Variants in SNORC observed in about 807,000 individuals in gnomAD.
SNORC encodes secondary ossification center associated regulator of chondrocyte maturation, also known as protein SNORC.
SNORC carries 11 observed loss-of-function variants against 9.7 expected under a neutral mutation model. The ratio of observed to expected loss-of-function variants is 1.14; its 90% CI spans 0.72 to 1.88. The LOEUF is 1.88. Among genes scored for constraint, SNORC ranks in the 40% most tolerant of loss-of-function variants. The pLI is 0.00. For missense variants in SNORC, 197 were observed against 173.1 expected (o/e 1.14, Z -0.77); for synonymous variants, 108 against 88.7 (o/e 1.22, Z -1.22).
intron 1 of SNORC, among the ~76,000 whole-genome samples, chr2:232,871,192 G>A (rs1260826638): frequency 2.0e-5 from 3 of 152,196 alleles, no homozygotes; most frequent in Non-Finnish European, 2.9e-5. Flanking sequence ...TCTGGAGGGC[G>A]CCCGTGGATC....
At chr2:232,868,396 C>T (rs897333688), upstream of SNORC, among the ~76,000 whole-genome samples, 1 of 152,130 alleles carries the variant, frequency 6.6e-6, no homozygotes, top group Non-Finnish European at 1.5e-5. Context: ...CGCACCTGGC[C>T]AGGTCATTTC....
upstream of SNORC, chr2:232,870,166 G>A: frequency 1.6e-6 from 1 of 640,494 alleles, no homozygotes; most frequent in South Asian, 1.8e-5. Flanking sequence ...TTGTGTGTGT[G>A]TGTTGGTGGG....
At chr2:232,870,934 C>T (rs972637563) in intron 1 of SNORC, among the ~76,000 whole-genome samples, 21 of 152,192 alleles carry the variant, frequency 1.4e-4, no homozygotes, top group Non-Finnish European at 2.8e-4. Context: ...CTCTGCAAAA[C>T]GGTGTGGACC....
In SNORC at chr2:232,876,370, G is replaced by A; in HGVS notation, c.*14G>A. On this transcript the variant is annotated 3_prime_UTR_variant, in exon 3 of 3. Transcript: ENST00000331342. The surrounding 1 kb of genome is among the most constrained non-coding windows in gnomAD (Gnocchi z 6.8). Reference sequence around the variant, plus strand: ...TCTGCCTCCTGAAGCGAATAAAGGGGCCGCGCCCGGCCGCGGCGCGACTCG... The same window carrying A: ...TCTGCCTCCTGAAGCGAATAAAGGGACCGCGCCCGGCCGCGGCGCGACTCG... 6.6e-7 allele frequency: 1 copy of A among 1,514,390 alleles called. No homozygotes were observed. The highest frequency in any genetic ancestry group is 8.8e-7 in the Non-Finnish European group (1 of 1,136,916). 93.8% of individuals were successfully genotyped at this position (1,514,390 alleles called of 1,614,324 possible).
chr2:232,874,751 G>A (rs1043233997), intron 1 of SNORC, among the ~76,000 whole-genome samples: 1 of 152,232 alleles, frequency 6.6e-6, no homozygotes, highest in Non-Finnish European at 1.5e-5. Context: ...GGTGCCCTAG[G>A]GTCGCCGGCT....
At chr2:232,870,206 C>A, upstream of SNORC, 1 of 780,770 alleles carries the variant, frequency 1.3e-6, no homozygotes, top group Non-Finnish European at 2.1e-6. Context: ...GGTGCGGGCA[C>A]GATGTCCCAG....
At chr2:232,867,325 A>C (rs559478353), upstream of SNORC, among the ~76,000 whole-genome samples, 23 of 152,216 alleles carry the variant, frequency 1.5e-4, no homozygotes, top group Non-Finnish European at 3.1e-4. Context: ...AACCCATACC[A>C]AGAGAGACAA....
At chr2:232,878,202 A>C (rs568757165), downstream of SNORC, 9 of 152,480 alleles carry the variant, frequency 5.9e-5, no homozygotes, top group African/African-American at 2.2e-4. Flanking sequence ...GCGAGCAGGG[A>C]AACTGTGTCC....
downstream of SNORC, chr2:232,877,305 A>C (rs1691309721): frequency 4.1e-6 from 4 of 985,428 alleles, no homozygotes; most frequent in Non-Finnish European, 4.8e-6. Context: ...GTCGGGGCGG[A>C]GTGAGGGTGA....
At chr2:232,877,017 A>T (rs1691283855), downstream of SNORC, 18 of 985,534 alleles carry the variant, frequency 1.8e-5, no homozygotes, top group South Asian at 6.6e-4. Flanking sequence ...CGGCTCTCCC[A>T]GCCAGAGGCC....
At chr2:232,870,444 C>A (rs1024407034) in intron 1 of SNORC, 30 bp downstream of exon 1, 1 of 1,549,272 alleles carries the variant, frequency 6.5e-7, no homozygotes. Context: ...GTCTCAGCCA[C>A]CACTAGCCTC....
At chr2:232,875,940 A>G (rs1444100535) in exon 2 of SNORC, 2 of 1,550,196 alleles carry the variant, frequency 1.3e-6, no homozygotes, top group Non-Finnish European at 1.7e-6. Context: ...GGCTTTGCAG[A>G]CGATGTTCCA....
At chr2:232,874,793 C>T (rs896283648) in intron 1 of SNORC, among the ~76,000 whole-genome samples, 4 of 152,242 alleles carry the variant, frequency 2.6e-5, no homozygotes, top group African/African-American at 4.8e-5. Context: ...GAACGGCAGC[C>T]TCCCTGCACT....
At chr2:232,875,668 C>G in intron 1 of SNORC, 1 of 544,342 alleles carries the variant, frequency 1.8e-6, no homozygotes, top group Non-Finnish European at 3.3e-6. Flanking sequence ...ATCCTGCCAA[C>G]TCCCAACCCT....
At chr2:232,875,681 A>G (rs778337) in intron 1 of SNORC, 431,539 of 549,266 alleles carry the variant, frequency 0.79, 170,791 homozygotes, top group African/African-American at 0.91. Flanking sequence ...CCAACCCTAT[A>G]AGCAGAGAAG....
upstream of SNORC, chr2:232,870,222 CAG>C: frequency 1.1e-6 from 1 of 887,780 alleles, no homozygotes; most frequent in Non-Finnish European, 1.8e-6. Flanking sequence ...CCCAGGAGGA[CAG>C]AGTTTGCATT....
downstream of SNORC, chr2:232,876,412 G>A (rs1175920198): frequency 6.8e-6 from 10 of 1,476,502 alleles, no homozygotes; most frequent in East Asian, 1.1e-4. The surrounding 1 kb of genome is among the most constrained non-coding windows in gnomAD (Gnocchi z 6.8). Flanking sequence ...CTCCTCACGC[G>A]CCTGTATGTC....
Position 232,876,366 on chromosome 2 carries a change from A to G in SNORC, c.*10A>G. The stretch of plus-strand genomic sequence containing the variant: ...GTTTTCTGCCTCCTGAAGCGAATAA[A>G]GGGGCCGCGCCCGGCCGCGGCGCGA... On this transcript the variant is annotated 3_prime_UTR_variant, in exon 3 of 3. Coordinates refer to ENST00000331342, the Ensembl canonical transcript of SNORC. This position sits in a 1 kb window ranked among gnomAD's most constrained non-coding sequence, Gnocchi z 6.8. The G allele has an allele frequency of 6.7e-7, 1 of 1,495,728 alleles. No individual in the cohort carries two copies. The highest frequency in any genetic ancestry group is 8.9e-7 in the Non-Finnish European group (1 of 1,123,504). The allele number at this position is 1,495,728 out of a possible 1,614,324, so 92.7% of individuals were successfully genotyped here.
upstream of SNORC, chr2:232,869,540 G>A (rs1458916054): frequency 6.6e-6 from 1 of 152,370 alleles, no homozygotes; most frequent in Admixed American, 6.5e-5. Flanking sequence ...GGGCAGTAGA[G>A]TCAAGGTTTG....
Sources: gnomAD v4.1 joint callset for allele counts (sites outside exome capture counted in the v4.1 genomes callset) on GRCh38, gnomAD v4.1.1 for gene constraint, Gnocchi (gnomAD v3.1) non-coding constraint, MANE v1.5 for transcripts, NCBI Gene and HGNC (gene_info 2026-07-23, HGNC 2026-07-21) for gene names.